Variants in LRRC4C observed in about 807,000 individuals in gnomAD.
LRRC4C encodes leucine rich repeat containing 4C, also known as leucine-rich repeat-containing protein 4C.
Under a neutral mutation model 33.6 loss-of-function variants are expected in LRRC4C, and 5 were observed. The observed-to-expected ratio is 0.15, with a 90% confidence interval of 0.08 to 0.31. The LOEUF (loss-of-function observed/expected upper bound fraction) is 0.31, where lower values mean the gene tolerates loss of function less well. LRRC4C is among the 10% of genes least tolerant of loss of function. The pLI is 1.00. For missense variants in LRRC4C, 560 were observed against 796.7 expected (o/e 0.70, Z 3.58); for synonymous variants, 329 against 302.0 (o/e 1.09, Z -0.93).
chr11:41,085,252 T>C (rs1939877820), intron 1 of LRRC4C, among the ~76,000 whole-genome samples: 2 of 152,262 alleles, frequency 1.3e-5, no homozygotes, highest in East Asian at 3.9e-4. Context: ...GATAAATATT[T>C]GGAGCAGGAA....
At chr11:40,494,638 T>C (rs983201243) in intron 3 of LRRC4C, among the ~76,000 whole-genome samples, 25 of 152,118 alleles carry the variant, frequency 1.6e-4, no homozygotes, top group African/African-American at 6.0e-4. Flanking sequence ...ACCACACATA[T>C]AGACATAATA....
intron 2 of LRRC4C, among the ~76,000 whole-genome samples, chr11:40,809,373 C>T (rs1020112803): frequency 6.6e-6 from 1 of 152,158 alleles, no homozygotes; most frequent in Admixed American, 6.6e-5. Flanking sequence ...TCTCCTTTGC[C>T]TGTGCCTATT....
At chr11:41,246,618 C>T (rs571723139) in intron 1 of LRRC4C, among the ~76,000 whole-genome samples, 173 of 152,370 alleles carry the variant, frequency 1.1e-3, no homozygotes, top group African/African-American at 3.9e-3. Flanking sequence ...TCCCCCACTG[C>T]AGCCAGTGTC....
At chr11:40,315,555 C>T (rs1945534718) in intron 4 of LRRC4C, among the ~76,000 whole-genome samples, 1 of 151,816 alleles carries the variant, frequency 6.6e-6, no homozygotes, top group Non-Finnish European at 1.5e-5. Flanking sequence ...TCTATACATT[C>T]AGAGCAGCAG....
At chr11:40,453,779 T>C (rs1952008204) in intron 3 of LRRC4C, among the ~76,000 whole-genome samples, 1 of 151,984 alleles carries the variant, frequency 6.6e-6, no homozygotes, top group East Asian at 1.9e-4. Context: ...GAAAGAAAAA[T>C]AGTGATTGTT....
At chr11:40,864,654 T>C (rs1954265651) in intron 2 of LRRC4C, among the ~76,000 whole-genome samples, 1 of 152,222 alleles carries the variant, frequency 6.6e-6, no homozygotes, top group Non-Finnish European at 1.5e-5. Flanking sequence ...ACCTAGTGGA[T>C]TAAGGTACCC....
chr11:41,445,353 C>A (rs1054186588), intron 1 of LRRC4C, among the ~76,000 whole-genome samples: 2 of 152,104 alleles, frequency 1.3e-5, no homozygotes, highest in African/African-American at 4.8e-5. Flanking sequence ...ATCATAAAAG[C>A]ATATCAAGAT....
intron 3 of LRRC4C, among the ~76,000 whole-genome samples, chr11:40,641,794 T>G (rs1942135057): frequency 6.6e-6 from 1 of 152,188 alleles, no homozygotes; most frequent in Admixed American, 6.5e-5. Context: ...AGTGAAGTGC[T>G]GGAGAGTTTG....
At chr11:40,426,449 C>T (rs1391737133) in intron 3 of LRRC4C, among the ~76,000 whole-genome samples, 2 of 151,914 alleles carry the variant, frequency 1.3e-5, no homozygotes, top group Non-Finnish European at 2.9e-5. Context: ...CTTGGGATGC[C>T]CTGTCCCTAG....
intron 1 of LRRC4C, among the ~76,000 whole-genome samples, chr11:41,312,356 C>G (rs1950666711): frequency 6.6e-6 from 1 of 152,146 alleles, no homozygotes; most frequent in African/African-American, 2.4e-5. Flanking sequence ...TTTTAAGAAT[C>G]AAAGGAGTTA....
intron 3 of LRRC4C, among the ~76,000 whole-genome samples, chr11:40,374,076 A>T (rs1948566341): frequency 6.6e-6 from 1 of 152,228 alleles, no homozygotes; most frequent in African/African-American, 2.4e-5. Flanking sequence ...AAGATTAAAA[A>T]GTTTAACAAC....
chr11:41,422,781 ATT>A (rs10712009), intron 1 of LRRC4C, among the ~76,000 whole-genome samples: 1 of 151,828 alleles, frequency 6.6e-6, no homozygotes, highest in East Asian at 2.0e-4. Context: ...TCTCAAGTAG[ATT>A]TTTTTTCTTT....
intron 3 of LRRC4C, among the ~76,000 whole-genome samples, chr11:40,451,472 G>A (rs564369601): frequency 1.0e-4 from 13 of 127,202 alleles, no homozygotes; most frequent in East Asian, 7.8e-4. Context: ...TGCAACCTCC[G>A]CCTCCTGGGT....
At chr11:41,343,002 G>C (rs1287742220) in intron 1 of LRRC4C, among the ~76,000 whole-genome samples, 1 of 152,116 alleles carries the variant, frequency 6.6e-6, no homozygotes, top group Non-Finnish European at 1.5e-5. Context: ...CATAACTCCA[G>C]TCTCTACCTT....
intron 1 of LRRC4C, among the ~76,000 whole-genome samples, chr11:40,940,322 C>A (rs1158544689): frequency 6.6e-6 from 1 of 152,100 alleles, no homozygotes; most frequent in Non-Finnish European, 1.5e-5. Context: ...ATTTAAAACT[C>A]ATGGTAACAT....
In LRRC4C at chr11:40,648,375, T is replaced by TA. The variant is rs1444320048; in HGVS notation, c.-406-98dup. ...CCTAGAGCTCACACTAAAAAAAAAT[T>TA]AAAAAACACACACACACATTGACCA... On this transcript the variant is annotated intron_variant, in intron 2 of 6. Transcript: ENST00000528697. 2.6e-5 allele frequency: 4 copies of TA among 152,156 alleles called. No homozygotes were observed. In the East Asian group the frequency reaches 7.7e-4, roughly 29 times the overall value. 9.4% of individuals were successfully genotyped at this position (152,156 alleles called of 1,614,324 possible). A position where few individuals can be genotyped will look rare whatever the true frequency, so the allele number is the denominator to read the frequency against.
At chr11:41,320,538 A>G (rs1267105552) in intron 1 of LRRC4C, among the ~76,000 whole-genome samples, 1 of 152,144 alleles carries the variant, frequency 6.6e-6, no homozygotes, top group Non-Finnish European at 1.5e-5. Flanking sequence ...TACATTTGCC[A>G]AAGTAAGTGG....
chr11:40,193,750 G>A (rs1346096394), intron 5 of LRRC4C, among the ~76,000 whole-genome samples: 1 of 152,058 alleles, frequency 6.6e-6, no homozygotes, highest in Non-Finnish European at 1.5e-5. Context: ...ACCAGTTTAG[G>A]GAATGACATA....
intron 2 of LRRC4C, among the ~76,000 whole-genome samples, chr11:40,910,680 G>T (rs1279423657): frequency 6.6e-6 from 1 of 152,166 alleles, no homozygotes; most frequent in African/African-American, 2.4e-5. Context: ...ATCTCACTGG[G>T]GATTGTCAGA....
Sources: gnomAD v4.1 joint callset for allele counts (sites outside exome capture counted in the v4.1 genomes callset) on GRCh38, gnomAD v4.1.1 for gene constraint, MANE v1.5 for transcripts, NCBI Gene and HGNC (gene_info 2026-07-23, HGNC 2026-07-21) for gene names.